The following ULK4 variants were observed in gnomAD, a reference collection of about 807,000 sequenced individuals.
ULK4 encodes inactive serine/threonine-protein kinase ULK4.
Under a neutral mutation model 160.6 loss-of-function variants are expected in ULK4, and 133 were observed. That is an observed-to-expected ratio of 0.83 (90% CI 0.72 to 0.96). The LOEUF (loss-of-function observed/expected upper bound fraction) is 0.96. Ranked by LOEUF, ULK4 falls within the 40% of genes least tolerant of loss-of-function variation. The pLI is 0.00. For synonymous variants in ULK4, 534 were observed against 539.8 expected (o/e 0.99, Z 0.15); for missense variants, 1,580 against 1,499.5 (o/e 1.05, Z -0.89).
chr3:41,870,714 C>A (rs970986620), intron 17 of ULK4, among the ~76,000 whole-genome samples: 2 of 152,040 alleles, frequency 1.3e-5, no homozygotes, highest in African/African-American at 4.8e-5. Context: ...CACACAACTA[C>A]CACTGCAATC....
chr3:41,817,241 T>C (rs906864193), intron 19 of ULK4, among the ~76,000 whole-genome samples: 2 of 152,212 alleles, frequency 1.3e-5, no homozygotes, highest in Admixed American at 1.3e-4. Context: ...TCCATTTACA[T>C]AGAGTTCAGC....
chr3:41,779,994 A>AAT (rs1241850526), intron 21 of ULK4, among the ~76,000 whole-genome samples: 1 of 115,880 alleles, frequency 8.6e-6, no homozygotes, highest in African/African-American at 2.9e-5. Context: ...ATAAAAAAAA[A>AAT]AAAAAAAAAA....
At chr3:41,884,565 G>T (rs1253253886) in intron 16 of ULK4, among the ~76,000 whole-genome samples, 1 of 152,206 alleles carries the variant, frequency 6.6e-6, no homozygotes, top group South Asian at 2.1e-4. Context: ...AATTAGTTTT[G>T]ATGAGTTTTT....
chr3:41,889,520 CA>C (rs1697839941), intron 16 of ULK4, among the ~76,000 whole-genome samples: 1 of 152,092 alleles, frequency 6.6e-6, no homozygotes, highest in South Asian at 2.1e-4. Flanking sequence ...GAACAACAGA[CA>C]CCGGGGCCTA....
At chr3:41,279,302 T>C (rs2079303951) in intron 35 of ULK4, among the ~76,000 whole-genome samples, 1 of 127,120 alleles carries the variant, frequency 7.9e-6, no homozygotes, top group African/African-American at 3.1e-5. Flanking sequence ...CCAAGAAATA[T>C]GAGACTATGT....
rs544123463 is a variant in ULK4 at position 41,722,740 on chromosome 3, A to G, written c.2322-4879T>C. ...AAAATTGTTCTACTCCTTTTGATAT[A>G]GGAAGAATAGAAACATTTTCTTTAA... On this transcript the variant is annotated intron_variant, in intron 22 of 36. Transcript: ENST00000301831. Among the ~76,000 whole-genome samples the G allele has an allele frequency of 5.3e-5, 8 of 152,364 alleles. No homozygotes were observed. The Middle Eastern group carries it at 0.024, about 453-fold the overall frequency.
intron 32 of ULK4, among the ~76,000 whole-genome samples, chr3:41,513,501 C>T (rs945179823): frequency 3.9e-5 from 6 of 152,114 alleles, no homozygotes; most frequent in Non-Finnish European, 5.9e-5. Flanking sequence ...GGCGTGGTGG[C>T]GCATGCCTGT....
intron 30 of ULK4, among the ~76,000 whole-genome samples, chr3:41,648,328 C>T (rs557524634): frequency 5.9e-5 from 9 of 152,238 alleles, no homozygotes; most frequent in African/African-American, 1.2e-4. Context: ...TGTTCCTATT[C>T]GGCCATCTTG....
At chr3:41,903,453 C>T (rs1171739612) in intron 12 of ULK4, among the ~76,000 whole-genome samples, 3 of 152,000 alleles carry the variant, frequency 2.0e-5, no homozygotes, top group South Asian at 2.1e-4. Context: ...GGTGTGGTGG[C>T]GGGTGCCTGT....
At chr3:41,389,489 CATG>C (rs1165906971) in intron 35 of ULK4, among the ~76,000 whole-genome samples, 9 of 152,048 alleles carry the variant, frequency 5.9e-5, no homozygotes, top group Admixed American at 5.9e-4. Flanking sequence ...GCCCATTCAG[CATG>C]ATATTGGCTG....
intron 35 of ULK4, among the ~76,000 whole-genome samples, chr3:41,271,416 A>G: frequency 6.7e-6 from 1 of 150,098 alleles, no homozygotes; most frequent in Non-Finnish European, 1.5e-5. Context: ...TTTTGAGACA[A>G]AGTTTCACTC....
chr3:41,656,393 T>C (rs1403211461), intron 30 of ULK4, among the ~76,000 whole-genome samples: 1 of 152,184 alleles, frequency 6.6e-6, no homozygotes, highest in African/African-American at 2.4e-5. Context: ...TTCCTTTAGA[T>C]GCTACCATCA....
intron 34 of ULK4, among the ~76,000 whole-genome samples, chr3:41,447,056 C>T: frequency 7.3e-6 from 1 of 136,534 alleles, no homozygotes; most frequent in Non-Finnish European, 1.5e-5. Flanking sequence ...TGCACTCCAG[C>T]CCGGGTGACA....
chr3:41,836,200 A>AT (rs35529258), intron 17 of ULK4, among the ~76,000 whole-genome samples: 45,963 of 150,338 alleles, frequency 0.31, 10,043 homozygotes, highest in African/African-American at 0.63. Flanking sequence ...TCAGTTTATA[A>AT]TTTTTTTTTT....
intron 32 of ULK4, among the ~76,000 whole-genome samples, chr3:41,541,685 G>C (rs9821358): frequency 6.6e-6 from 1 of 151,862 alleles, no homozygotes; most frequent in Non-Finnish European, 1.5e-5. Flanking sequence ...CCATTTGTTC[G>C]TGCCCTCTCT....
intron 22 of ULK4, among the ~76,000 whole-genome samples, chr3:41,737,162 A>C (rs1283127007): frequency 6.6e-6 from 1 of 151,978 alleles, no homozygotes; most frequent in Non-Finnish European, 1.5e-5. Context: ...AAACTTCAGC[A>C]AAGTCTCAGG....
chr3:41,564,357 G>T (rs116937993), intron 32 of ULK4, among the ~76,000 whole-genome samples: 365 of 152,070 alleles, frequency 2.4e-3, no homozygotes, highest in East Asian at 0.012. Context: ...ACTTGAGGAG[G>T]TAGTCCGTCC....
At chr3:41,504,676 T>C (rs986341881) in intron 32 of ULK4, among the ~76,000 whole-genome samples, 1 of 152,182 alleles carries the variant, frequency 6.6e-6, no homozygotes, top group Non-Finnish European at 1.5e-5. Context: ...ACAGGCACAA[T>C]GTCGTAAAAA....
rs76773524 is a variant in ULK4 at position 41,681,921 on chromosome 3, G to A, written c.2782-117C>T. The A allele has an allele frequency of 4.1e-4, 428 of 1,039,954 alleles. 6 individuals are homozygous for A. The East Asian group carries it at 7.8e-3, about 19-fold the overall frequency. The allele number at this position is 1,039,954 out of a possible 1,614,324, so 64.4% of individuals were successfully genotyped here. A position where few individuals can be genotyped will look rare whatever the true frequency, so the allele number is the denominator to read the frequency against. ...AATCAAAGGAGTGAAAAAAAGCAACGGCTAAGTTTATCCTGGATTTAAACT... is the reference window on the plus strand; with the variant it reads ...AATCAAAGGAGTGAAAAAAAGCAACAGCTAAGTTTATCCTGGATTTAAACT... On this transcript the variant is annotated intron_variant, in intron 27 of 36. Coordinates refer to ENST00000301831, the MANE Select transcript of ULK4 (RefSeq NM_017886.4).
Sources: gnomAD v4.1 joint callset for allele counts (sites outside exome capture counted in the v4.1 genomes callset) on GRCh38, gnomAD v4.1.1 for gene constraint, MANE v1.5 for transcripts, NCBI Gene and HGNC (gene_info 2026-07-23, HGNC 2026-07-21) for gene names.